The following CACNA2D3 variants were observed in gnomAD, a reference collection of about 807,000 sequenced individuals.
CACNA2D3 encodes the protein calcium voltage-gated channel auxiliary subunit alpha2delta 3, also known as voltage-dependent calcium channel subunit alpha-2/delta-3.
In CACNA2D3, 60 loss-of-function variants were observed where a neutral mutation model predicts 160.6. That is an observed-to-expected ratio of 0.37 (90% CI 0.30 to 0.46). The LOEUF is 0.46. Among genes scored for constraint, CACNA2D3 ranks in the 20% least tolerant of loss-of-function variants. CACNA2D3 has a pLI of 1.00. For synonymous variants in CACNA2D3, 558 were observed against 492.9 expected, an observed-to-expected ratio of 1.13 and a Z score of -1.75; for missense variants, 1,205 against 1,365.0, an observed-to-expected ratio of 0.88 and a Z score of 1.85.
At chr3:54,609,960 G>A (rs1469130950) in intron 9 of CACNA2D3, among the ~76,000 whole-genome samples, 1 of 152,132 alleles carries the variant, frequency 6.6e-6, no homozygotes, top group Non-Finnish European at 1.5e-5. Flanking sequence ...CAAGGTATTG[G>A]CAGGTCATGC....
At chr3:55,026,804 A>G (rs1703572049) in intron 35 of CACNA2D3, among the ~76,000 whole-genome samples, 1 of 152,176 alleles carries the variant, frequency 6.6e-6, no homozygotes, top group African/African-American at 2.4e-5. Context: ...AAGGACTTCA[A>G]ATGCTAACTA....
At chr3:54,977,603 G>A (rs1223433944) in intron 29 of CACNA2D3, among the ~76,000 whole-genome samples, 1 of 152,158 alleles carries the variant, frequency 6.6e-6, no homozygotes, top group East Asian at 1.9e-4. Context: ...GGCCTTATAT[G>A]CAGCTGTGGG....
intron 2 of CACNA2D3, among the ~76,000 whole-genome samples, chr3:54,303,849 G>A (rs540312503): frequency 1.4e-3 from 98 of 69,290 alleles, no homozygotes; most frequent in Non-Finnish European, 3.7e-4. Flanking sequence ...CTATTGCTTA[G>A]TGCTGCTCAG....
chr3:54,448,879 T>C (rs1223876956), intron 4 of CACNA2D3, among the ~76,000 whole-genome samples: 1 of 152,208 alleles, frequency 6.6e-6, no homozygotes, highest in Non-Finnish European at 1.5e-5. Flanking sequence ...CATAAATCGT[T>C]TGTGCAGAGA....
At chr3:54,231,265 C>T (rs886326109) in intron 2 of CACNA2D3, among the ~76,000 whole-genome samples, 1 of 152,134 alleles carries the variant, frequency 6.6e-6, no homozygotes, top group Non-Finnish European at 1.5e-5. Flanking sequence ...AGCACCTTGG[C>T]TGGGTAGAAG....
chr3:54,921,685 C>T (rs1700855373), intron 27 of CACNA2D3, among the ~76,000 whole-genome samples: 1 of 152,126 alleles, frequency 6.6e-6, no homozygotes, highest in Non-Finnish European at 1.5e-5. Context: ...TTTGTTCCCA[C>T]TTGGGGATGA....
chr3:54,444,118 T>C (rs1389530620), intron 4 of CACNA2D3, among the ~76,000 whole-genome samples: 3 of 152,142 alleles, frequency 2.0e-5, no homozygotes, highest in Non-Finnish European at 4.4e-5. Context: ...ATTTCCTTCT[T>C]CTTTTCAGCA....
intron 17 of CACNA2D3, among the ~76,000 whole-genome samples, chr3:54,847,995 A>C (rs1266858725): frequency 6.6e-6 from 1 of 152,178 alleles, no homozygotes; most frequent in Non-Finnish European, 1.5e-5. Flanking sequence ...ATTGCCTGTC[A>C]TTTAAAGGAA....
intron 3 of CACNA2D3, among the ~76,000 whole-genome samples, chr3:54,339,321 C>T (rs895094860): frequency 6.6e-6 from 1 of 152,212 alleles, no homozygotes; most frequent in African/African-American, 2.4e-5. Flanking sequence ...GGATTCTTCT[C>T]TTTGGGGAAA....
chr3:54,578,725 A>G (rs544139830), intron 8 of CACNA2D3, among the ~76,000 whole-genome samples: 6 of 152,348 alleles, frequency 3.9e-5, no homozygotes, highest in Admixed American at 1.3e-4. Flanking sequence ...GGATTCTTCC[A>G]CTGAGGCCAT....
Position 54,409,387 on chromosome 3 carries a change from C to T in CACNA2D3, c.381+22613C>T, listed in dbSNP as rs1422623919. On this transcript the variant is annotated intron_variant, in intron 4 of 37. Coordinates refer to ENST00000474759, the MANE Select transcript of CACNA2D3 (RefSeq NM_018398.3). ...TATTGCATGTGTTGGACTGTCCCACCAACCAGCCATTCCCTCATCTCTCTC... is the reference window on the plus strand; with the variant it reads ...TATTGCATGTGTTGGACTGTCCCACTAACCAGCCATTCCCTCATCTCTCTC... Among the ~76,000 whole-genome samples, 4 of 152,184 alleles carry T rather than the reference C, an allele frequency of 2.6e-5. No individual in the cohort carries two copies. In the East Asian group the frequency reaches 5.8e-4, roughly 22 times the overall value.
intron 20 of CACNA2D3, 21 bp downstream of exon 20, chr3:54,879,432 T>C (rs1389431556): frequency 1.3e-6 from 2 of 1,544,288 alleles, no homozygotes; most frequent in African/African-American, 2.7e-5. Context: ...CCATAATACA[T>C]GGACATTCCA....
rs1040565503 is a variant in CACNA2D3 at position 54,122,695 on chromosome 3, G to T, written c.-19G>T. 3 of 1,132,228 alleles carry T rather than the reference G, an allele frequency of 2.6e-6. No individual in the cohort carries two copies. Among genetic ancestry groups the T allele is most frequent in the Non-Finnish European group, 3.2e-6 (3 of 925,656 alleles). The allele number at this position is 1,132,228 out of a possible 1,614,324, so 70.1% of individuals were successfully genotyped here. A position where few individuals can be genotyped will look rare whatever the true frequency, so the allele number is the denominator to read the frequency against. On this transcript the variant is annotated 5_prime_UTR_variant, in exon 1 of 38. Transcript: ENST00000474759. ...CGCTCTCGTCGCCGCCGCAGCGGGC[G>T]CGTCGGAGGGAGCCCAGCATGGCCG...
At chr3:54,927,127 T>C (rs150105996) in intron 27 of CACNA2D3, among the ~76,000 whole-genome samples, 1 of 151,944 alleles carries the variant, frequency 6.6e-6, no homozygotes, top group Non-Finnish European at 1.5e-5. Flanking sequence ...TGATTGATTG[T>C]TTGCTTGCTT....
chr3:54,266,552 G>T (rs1423579874), intron 2 of CACNA2D3, among the ~76,000 whole-genome samples: 3 of 152,112 alleles, frequency 2.0e-5, no homozygotes, highest in Non-Finnish European at 4.4e-5. Flanking sequence ...GCCCTGACCT[G>T]GTTTGCATTA....
chr3:54,748,029 A>G (rs544082759), intron 11 of CACNA2D3, among the ~76,000 whole-genome samples: 2 of 152,344 alleles, frequency 1.3e-5, no homozygotes, highest in East Asian at 1.9e-4. Flanking sequence ...TTGTTTACCC[A>G]TGGTAGCCCT....
chr3:54,368,707 T>TTA (rs1318524534), intron 3 of CACNA2D3, among the ~76,000 whole-genome samples: 3 of 123,162 alleles, frequency 2.4e-5, no homozygotes, highest in African/African-American at 7.5e-5. Context: ...TTTTTTTTTT[T>TTA]TTTTTTTTTT....
intron 27 of CACNA2D3, among the ~76,000 whole-genome samples, chr3:54,919,265 A>G (rs1396739298): frequency 6.6e-6 from 1 of 152,268 alleles, no homozygotes; most frequent in Non-Finnish European, 1.5e-5. Flanking sequence ...TGAGCCCCAC[A>G]GACAAGAAAA....
At chr3:54,879,235 T>C in intron 19 of CACNA2D3, 115 bp from the exon 20 acceptor site, 1 of 871,738 alleles carries the variant, frequency 1.1e-6, no homozygotes, top group Non-Finnish European at 1.8e-6. Context: ...ATTCATGTAG[T>C]ACTGTTAACC....
Sources: gnomAD v4.1 joint callset for allele counts (sites outside exome capture counted in the v4.1 genomes callset) on GRCh38, gnomAD v4.1.1 for gene constraint, MANE v1.5 for transcripts, NCBI Gene and HGNC (gene_info 2026-07-23, HGNC 2026-07-21) for gene names.